The following NRF1 variants were observed in gnomAD, a reference collection of about 807,000 sequenced individuals.
NRF1 encodes the protein alpha palindromic-binding protein.
In NRF1, 5 loss-of-function variants were observed where a neutral mutation model predicts 58.5. The observed-to-expected ratio is 0.09, with a 90% CI of 0.04 to 0.18. The LOEUF is 0.18. Among genes scored for constraint, NRF1 ranks in the 10% least tolerant of loss-of-function variants. The pLI is 1.00. For missense variants in NRF1, 288 were observed against 657.7 expected (o/e 0.44, Z 6.15); for synonymous variants, 224 against 246.7 (o/e 0.91, Z 0.86).
At chr7:129,649,066 C>G (rs924891818) in intron 1 of NRF1, among the ~76,000 whole-genome samples, 2 of 152,056 alleles carry the variant, frequency 1.3e-5, no homozygotes, top group East Asian at 3.9e-4. Flanking sequence ...TTTTTACTCA[C>G]AATTAAGCCA....
chr7:129,688,183 G>C (rs1359028183), intron 4 of NRF1, among the ~76,000 whole-genome samples: 2 of 152,136 alleles, frequency 1.3e-5, no homozygotes, highest in Non-Finnish European at 2.9e-5. Context: ...CCTGGCTGGA[G>C]TGGCACTATC....
intron 1 of NRF1, among the ~76,000 whole-genome samples, chr7:129,628,541 CATT>C (rs1322547351): frequency 3.3e-5 from 5 of 152,086 alleles, no homozygotes; most frequent in African/African-American, 4.8e-5. Flanking sequence ...TAGTGAGAAA[CATT>C]ATATTTTACA....
intron 10 of NRF1, among the ~76,000 whole-genome samples, chr7:129,742,071 C>G (rs1156549857): frequency 6.6e-6 from 1 of 152,084 alleles, no homozygotes; most frequent in Non-Finnish European, 1.5e-5. Context: ...CTGGGGCCTC[C>G]CAGTGCACAT....
chr7:129,740,798 G>A (rs1053960581), intron 10 of NRF1, among the ~76,000 whole-genome samples: 2 of 152,140 alleles, frequency 1.3e-5, no homozygotes, highest in Non-Finnish European at 2.9e-5. Context: ...GTGGCCTCGG[G>A]CATTCATCGT....
In NRF1 at chr7:129,711,546, A is replaced by G. The variant is rs1246860986; in HGVS notation, c.1035A>G (p.Gln345=). The change falls in exon 8 of 11, where the codon CAA becomes CAG. Residue 345 remains glutamine, a synonymous_variant. Transcript: ENST00000393232. ...TGCCAACCACGGTCACCGTTGCCCA[A>G]GTGAATTATTCTGCCGTGGCTGATG... ...SELPTTVTVA[Q]VNYSAVADGE... The G allele has an allele frequency of 6.2e-7, 1 of 1,612,406 alleles. No individual in the cohort carries two copies. The highest frequency in any genetic ancestry group is 8.5e-7 in the Non-Finnish European group (1 of 1,179,236).
Position 129,736,104 on chromosome 7 carries a change from C to T in NRF1, c.1348+8739C>T, listed in dbSNP as rs1368316873. ...CAAACGTACATTTTACTATGCATTC[C>T]AACTGCCAAATTAAATTAATATAGA... On this transcript the variant is annotated intron_variant, in intron 10 of 10. Transcript: ENST00000393232. Among the ~76,000 whole-genome samples, 9 of 152,286 alleles carry T rather than the reference C, an allele frequency of 5.9e-5. No individual in the cohort carries two copies. In the East Asian group the frequency reaches 1.5e-3, roughly 26 times the overall value.
At chr7:129,727,829 G>T (rs1160523397) in intron 10 of NRF1, among the ~76,000 whole-genome samples, 4 of 152,164 alleles carry the variant, frequency 2.6e-5, no homozygotes, top group Non-Finnish European at 5.9e-5. Context: ...TGATGCCGGT[G>T]CCTCTCTGGT....
chr7:129,690,329 CCACT>C, intron 4 of NRF1, 73 bp from the exon 5 acceptor site: 1 of 1,493,122 alleles, frequency 6.7e-7, no homozygotes, highest in Non-Finnish European at 9.1e-7. Flanking sequence ...CCAGCCCCAC[CCACT>C]CTCTTGTTGC....
At chr7:129,713,754 G>A (rs78931764) in intron 8 of NRF1, among the ~76,000 whole-genome samples, 2,304 of 152,342 alleles carry the variant, frequency 0.015, 57 homozygotes, top group African/African-American at 0.053. Context: ...GCAGAGGAGA[G>A]GCTCTCATCT....
chr7:129,713,639 T>C (rs1057507445), intron 8 of NRF1, among the ~76,000 whole-genome samples: 2 of 152,114 alleles, frequency 1.3e-5, no homozygotes, highest in African/African-American at 2.4e-5. Flanking sequence ...TAATAAAGAC[T>C]CCCCTTTCCC....
At chr7:129,699,562 T>C (rs1802770802) in intron 5 of NRF1, among the ~76,000 whole-genome samples, 1 of 149,910 alleles carries the variant, frequency 6.7e-6, no homozygotes, top group African/African-American at 2.5e-5. Context: ...AAAAATTTTT[T>C]TGTATTATTT....
In NRF1 at chr7:129,655,774, G is replaced by A. The variant is rs142607017; in HGVS notation, c.-6-1572G>A. 5.2e-3 allele frequency among the ~76,000 whole-genome samples: 788 copies of A among 152,134 alleles called. 11 individuals are homozygous for A. Among genetic ancestry groups the A allele is most frequent in the African/African-American group, 0.018 (763 of 41,498 alleles). ...CTACCTCAGGTGATACACCTGCCTC[G>A]GCCTCCCAAAGTGCTGGGATTACAG... On this transcript the variant is annotated intron_variant, in intron 1 of 10. Transcript: ENST00000393232.
intron 10 of NRF1, among the ~76,000 whole-genome samples, chr7:129,754,519 A>G (rs1804205837): frequency 6.9e-6 from 1 of 145,038 alleles, no homozygotes; most frequent in Admixed American, 7.0e-5. Flanking sequence ...CTAGAAGTAG[A>G]GAGTAGAATA....
intron 10 of NRF1, among the ~76,000 whole-genome samples, chr7:129,738,179 T>C (rs1803763916): frequency 6.6e-6 from 1 of 152,276 alleles, no homozygotes; most frequent in South Asian, 2.1e-4. Flanking sequence ...TTACAACTGT[T>C]TCTCCTTTGG....
intron 10 of NRF1, chr7:129,744,148 T>A: frequency 6.6e-7 from 1 of 1,508,164 alleles, no homozygotes. Flanking sequence ...TTTTTTTTTT[T>A]TTAACAGTTC....
intron 1 of NRF1, among the ~76,000 whole-genome samples, chr7:129,647,630 G>A (rs1024585785): frequency 3.7e-4 from 56 of 152,090 alleles, no homozygotes; most frequent in African/African-American, 1.3e-3. Context: ...TTCTGACCTC[G>A]CGATCCCCCA....
chr7:129,659,205 A>G (rs1801728221), intron 2 of NRF1, among the ~76,000 whole-genome samples: 1 of 147,914 alleles, frequency 6.8e-6, no homozygotes, highest in African/African-American at 2.5e-5. Context: ...CAGCCTCCCG[A>G]GTAGCTGGGA....
At chr7:129,732,042 C>A (rs559983187) in intron 10 of NRF1, among the ~76,000 whole-genome samples, 1 of 152,174 alleles carries the variant, frequency 6.6e-6, no homozygotes, top group Non-Finnish European at 1.5e-5. Context: ...GTCCCCAGAA[C>A]CCCCTGTGTT....
At position 129,754,150 on chromosome 7, in the gene NRF1, C is replaced by CTGA. The variant is rs1456390727; in HGVS notation, c.1349-866_1349-864dup. Among the ~76,000 whole-genome samples, 4 of 151,964 alleles carry CTGA rather than the reference C, an allele frequency of 2.6e-5. No homozygotes were observed. In the East Asian group the frequency reaches 5.8e-4, roughly 22 times the overall value. On this transcript the variant is annotated intron_variant, in intron 10 of 10. Transcript: ENST00000393232. ...CACAATTTCTCTAAACTTTTCTTTT[C>CTGA]TGATAGTCTGTTTTAAAAAAATCAA...
Sources: gnomAD v4.1 joint callset for allele counts (sites outside exome capture counted in the v4.1 genomes callset) on GRCh38, gnomAD v4.1.1 for gene constraint, MANE v1.5 for transcripts, NCBI Gene and HGNC (gene_info 2026-07-23, HGNC 2026-07-21) for gene names.